Variants in GRAMD1B observed in about 807,000 individuals in gnomAD.
GRAMD1B encodes the protein protein Aster-B.
GRAMD1B carries 37 observed loss-of-function variants against 99.7 expected under a neutral mutation model. The observed-to-expected ratio is 0.37, with a 90% CI of 0.29 to 0.49. The LOEUF (loss-of-function observed/expected upper bound fraction) is 0.49, where lower values mean the gene tolerates loss of function less well. Ranked by LOEUF, GRAMD1B falls within the 20% of genes least tolerant of loss-of-function variation. GRAMD1B has a pLI of 0.98. For missense variants in GRAMD1B, 888 were observed against 1,009.2 expected (o/e 0.88, Z 1.63); for synonymous variants, 427 against 387.6 (o/e 1.10, Z -1.19).
intron 19 of GRAMD1B, among the ~76,000 whole-genome samples, chr11:123,620,106 G>T (rs1159199005): frequency 6.6e-6 from 1 of 152,178 alleles, no homozygotes; most frequent in Admixed American, 6.5e-5. Flanking sequence ...CTGTCATCAG[G>T]ATTTGATGCC....
At chr11:123,519,183 A>G (rs1591794519) in intron 2 of GRAMD1B, among the ~76,000 whole-genome samples, 1 of 152,194 alleles carries the variant, frequency 6.6e-6, no homozygotes, top group Admixed American at 6.5e-5. Context: ...TGGAGGCTCC[A>G]AGCTGGGAGC....
intron 1 of GRAMD1B, among the ~76,000 whole-genome samples, chr11:123,394,760 A>G (rs923116826): frequency 1.3e-5 from 2 of 152,178 alleles, no homozygotes; most frequent in Admixed American, 1.3e-4. Flanking sequence ...TTTATTTCTC[A>G]CAGTTCTAGA....
At chr11:123,569,666 G>A (rs1947839290) in intron 2 of GRAMD1B, among the ~76,000 whole-genome samples, 1 of 152,310 alleles carries the variant, frequency 6.6e-6, no homozygotes, top group South Asian at 2.1e-4. Flanking sequence ...GGGAAAATTC[G>A]AAGGGGAGTT....
At chr11:123,422,517 G>A (rs1948482105) in intron 1 of GRAMD1B, among the ~76,000 whole-genome samples, 1 of 152,182 alleles carries the variant, frequency 6.6e-6, no homozygotes, top group African/African-American at 2.4e-5. Context: ...AATATGTAAA[G>A]GCTAATATTT....
rs1003233733 is a variant in GRAMD1B, at chr11:123,627,324, A to G, written c.*4729A>G. ...CATAGTCAAAACAGCCATTTTTGCC[A>G]ACAATAGCTTGTGGCTCCCCACATT... On this transcript the variant is annotated 3_prime_UTR_variant, in exon 20 of 20. Coordinates refer to ENST00000635736, the MANE Select transcript of GRAMD1B (RefSeq NM_001387025.1). The G allele has an allele frequency of 6.6e-6, 1 of 152,284 alleles. No individual in the cohort carries two copies. The highest frequency in any genetic ancestry group is 2.4e-5 in the African/African-American group (1 of 41,450). The allele number at this position is 152,284 out of a possible 1,614,324, so 9.4% of individuals were successfully genotyped here. A position where few individuals can be genotyped will look rare whatever the true frequency, so the allele number is the denominator to read the frequency against.
intron 2 of GRAMD1B, among the ~76,000 whole-genome samples, chr11:123,535,577 G>C (rs1356037575): frequency 6.6e-6 from 1 of 152,150 alleles, no homozygotes; most frequent in Non-Finnish European, 1.5e-5. Flanking sequence ...GTAGAAGATA[G>C]TTTCCCCAGT....
At chr11:123,493,916 C>T (rs1042767297) in intron 2 of GRAMD1B, among the ~76,000 whole-genome samples, 19 of 152,184 alleles carry the variant, frequency 1.2e-4, no homozygotes, top group Non-Finnish European at 1.2e-4. Context: ...GCTGTCACAT[C>T]TCAGAGAGGC....
intron 1 of GRAMD1B, among the ~76,000 whole-genome samples, chr11:123,378,458 T>A (rs896330490): frequency 3.3e-5 from 5 of 152,214 alleles, no homozygotes; most frequent in Non-Finnish European, 5.9e-5. Flanking sequence ...ATCAAATATA[T>A]GATTTGCAAA....
intron 2 of GRAMD1B, among the ~76,000 whole-genome samples, chr11:123,556,305 T>A (rs375116841): frequency 3.3e-5 from 5 of 152,370 alleles, no homozygotes; most frequent in African/African-American, 1.2e-4. Flanking sequence ...AGTTTTTAAA[T>A]TTTATTTTAT....
intron 1 of GRAMD1B, among the ~76,000 whole-genome samples, chr11:123,462,890 T>TAAAAAAAAAAAAAAAAA (rs55643501): frequency 1.1e-4 from 13 of 123,086 alleles, no homozygotes; most frequent in African/African-American, 3.2e-4. Flanking sequence ...AAAAAATAAA[T>TAAAAAAAAAAAAAAAAA]TAAAAAAAAA....
At chr11:123,413,814 T>C (rs188294686) in intron 1 of GRAMD1B, among the ~76,000 whole-genome samples, 3 of 152,222 alleles carry the variant, frequency 2.0e-5, no homozygotes, top group East Asian at 1.9e-4. Context: ...GCTTTTCAAT[T>C]GCATCTTCTG....
At chr11:123,573,614 A>G (rs1948398755) in intron 2 of GRAMD1B, among the ~76,000 whole-genome samples, 1 of 152,210 alleles carries the variant, frequency 6.6e-6, no homozygotes, top group Admixed American at 6.5e-5. Flanking sequence ...TGGGTGAATT[A>G]TTTAATCTGT....
chr11:123,380,302 C>T (rs1418056417), intron 1 of GRAMD1B, among the ~76,000 whole-genome samples: 1 of 152,164 alleles, frequency 6.6e-6, no homozygotes, highest in Admixed American at 6.5e-5. Context: ...ATAGTTTTAG[C>T]TCTTACATTT....
At chr11:123,559,904 C>T (rs1207539151) in intron 2 of GRAMD1B, among the ~76,000 whole-genome samples, 1 of 152,256 alleles carries the variant, frequency 6.6e-6, no homozygotes, top group East Asian at 1.9e-4. Context: ...ATGCACGACT[C>T]TCTTTAGAGC....
chr11:123,613,908 TG>T (rs1953961941), intron 16 of GRAMD1B, among the ~76,000 whole-genome samples: 1 of 152,234 alleles, frequency 6.6e-6, no homozygotes, highest in African/African-American at 2.4e-5. Context: ...GCTTTCGTGT[TG>T]CCCTAGTTCC....
chr11:123,425,209 T>A (rs1215383976), intron 1 of GRAMD1B, among the ~76,000 whole-genome samples: 1 of 152,174 alleles, frequency 6.6e-6, no homozygotes, highest in Non-Finnish European at 1.5e-5. Flanking sequence ...GTGGCTTGAT[T>A]TTGGGTCTGC....
chr11:123,407,695 G>C lies in GRAMD1B; in HGVS notation c.-176+48896G>C, dbSNP rs78082694. Among the ~76,000 whole-genome samples, 317 of 152,320 alleles carry C rather than the reference G, an allele frequency of 2.1e-3. 4 individuals are homozygous for C. The highest frequency in any genetic ancestry group is 7.2e-3 in the African/African-American group (300 of 41,574). On this transcript the variant is annotated intron_variant, in intron 1 of 20. Coordinates refer to the GRAMD1B transcript ENST00000638157. ...AGGGGCCAAATCAGAGTCCCAGAATGCTGAAGAAAATCAAATTGACAGGCT... is the reference window on the plus strand; with the variant it reads ...AGGGGCCAAATCAGAGTCCCAGAATCCTGAAGAAAATCAAATTGACAGGCT...
chr11:123,545,879 G>A (rs1945000389), intron 2 of GRAMD1B, among the ~76,000 whole-genome samples: 1 of 152,172 alleles, frequency 6.6e-6, no homozygotes, highest in African/African-American at 2.4e-5. Context: ...AATTCTCTGA[G>A]CTGAGCCCAG....
chr11:123,380,764 T>G (rs1011970717), intron 1 of GRAMD1B, among the ~76,000 whole-genome samples: 10 of 152,220 alleles, frequency 6.6e-5, no homozygotes, highest in Non-Finnish European at 1.5e-4. Context: ...GGTCCCCTTT[T>G]GTCCACGTAG....
Sources: allele counts gnomAD v4.1 joint callset (sites outside exome capture counted in the v4.1 genomes callset), GRCh38; gene constraint gnomAD v4.1.1; transcripts MANE v1.5; gene names NCBI Gene and HGNC (gene_info 2026-07-23, HGNC 2026-07-21).